PUM3: variants seen among roughly 807,000 people sequenced by gnomAD.
The protein encoded by PUM3 is pumilio homolog 3.
PUM3 carries 91 observed loss-of-function variants against 84.0 expected under a neutral mutation model. The ratio of observed to expected loss-of-function variants is 1.08; its 90% confidence interval spans 0.91 to 1.29. The LOEUF is 1.29. Ranked by LOEUF, PUM3 falls within the 50% of genes most tolerant of loss-of-function variation. The pLI is 0.00. For missense variants in PUM3, 1,067 were observed against 767.5 expected, an observed-to-expected ratio of 1.39 and a Z score of -4.61; for synonymous variants, 321 against 266.7, an observed-to-expected ratio of 1.20 and a Z score of -1.98.
rs1212737225 is a variant in PUM3, at chr9:2,804,449, C to T, written c.1829G>A (p.Cys610Tyr). Residue 610 changes from cysteine (C) to tyrosine (Y), a missense_variant, in exon 18 of 18, where the codon TGT (cysteine) becomes TAT (tyrosine). Coordinates refer to ENST00000397885, the MANE Select transcript of PUM3 (RefSeq NM_014878.5). ...GACTTTGTTTGCAACTTCCAGGTCACAACTCTGGAGGAGGCTGAAGAGAGG... is the reference window on the plus strand; with the variant it reads ...GACTTTGTTTGCAACTTCCAGGTCATAACTCTGGAGGAGGCTGAAGAGAGG... ...AIILSSLLQS[C>Y]DLEVANKVKA... 3 of 1,613,796 alleles carry T rather than the reference C, an allele frequency of 1.9e-6. No homozygotes were observed. Among genetic ancestry groups the T allele is most frequent in the Admixed American group, 3.3e-5 (2 of 59,960 alleles).
At chr9:2,813,257 T>C (rs961977978) in intron 13 of PUM3, among the ~76,000 whole-genome samples, 5 of 152,246 alleles carry the variant, frequency 3.3e-5, no homozygotes, top group African/African-American at 9.6e-5. Flanking sequence ...ATCTGCTGTT[T>C]TCAAAGATAG....
intron 13 of PUM3, among the ~76,000 whole-genome samples, chr9:2,818,392 A>T (rs553743744): frequency 6.6e-6 from 1 of 152,348 alleles, no homozygotes; most frequent in Non-Finnish European, 1.5e-5. Flanking sequence ...TTCAACAGCA[A>T]CTTTAAGTGG....
intron 10 of PUM3, 134 bp downstream of exon 10, chr9:2,826,939 G>A (rs1486052110): frequency 7.4e-6 from 5 of 675,282 alleles, no homozygotes; most frequent in Middle Eastern, 6.1e-4. Context: ...AAAGGGAGTT[G>A]AGTAAATTAT....
At chr9:2,832,632 T>C (rs1414730599) in intron 5 of PUM3, among the ~76,000 whole-genome samples, 3 of 152,312 alleles carry the variant, frequency 2.0e-5, no homozygotes, top group African/African-American at 7.2e-5. Context: ...GAAATATTTA[T>C]AAATTGTCGG....
chr9:2,836,644 G>T lies in PUM3; in HGVS notation c.304+536C>A, dbSNP rs574381849. Among the ~76,000 whole-genome samples the T allele has an allele frequency of 2.6e-5, 4 of 152,262 alleles. No individual in the cohort carries two copies. In the East Asian group the frequency reaches 7.7e-4, roughly 29 times the overall value. On this transcript the variant is annotated intron_variant, in intron 3 of 17. Coordinates refer to ENST00000397885, the MANE Select transcript of PUM3 (RefSeq NM_014878.5). ...ATCTGCGCCATCAGAGGGATTTATT[G>T]TATTAGACTGGCCTAAGCTCTGTGA... is the stretch of plus-strand genomic sequence containing the variant.
At position 2,810,378 on chromosome 9, in the gene PUM3, C is replaced by G; in HGVS notation, c.1689G>C (p.Glu563Asp). The G allele has an allele frequency of 1.9e-6, 3 of 1,612,070 alleles. No individual in the cohort carries two copies. Among genetic ancestry groups the G allele is most frequent in the Non-Finnish European group, 2.5e-6 (3 of 1,178,580 alleles). Residue 563 changes from glutamate to aspartate, a missense_variant, in exon 16 of 18, where the codon GAG becomes GAC. Glu to Asp is a conservative substitution (Grantham distance 45). Coordinates refer to ENST00000397885, the MANE Select transcript of PUM3 (RefSeq NM_014878.5). ...AGHLVLKWLI[E>D]QDKKMKENGR... is the part of the protein sequence containing the mutation. ...CATTTTCTTTCATCTTTTTATCTTG[C>G]TCTATTAACCACTTCAGAACTAGAT...
intron 1 of PUM3, among the ~76,000 whole-genome samples, chr9:2,839,989 C>G (rs1286221321): frequency 6.6e-6 from 1 of 152,158 alleles, no homozygotes; most frequent in Non-Finnish European, 1.5e-5. Flanking sequence ...CTAATATCCT[C>G]TTTCTGTACC....
chr9:2,808,323 C>G (rs1169322958), intron 16 of PUM3, among the ~76,000 whole-genome samples: 1 of 152,190 alleles, frequency 6.6e-6, no homozygotes, highest in African/African-American at 2.4e-5. Flanking sequence ...CACAAGGTGC[C>G]ATGAACATAA....
chr9:2,828,463 C>T (rs1448386602), intron 9 of PUM3: 5 of 463,244 alleles, frequency 1.1e-5, no homozygotes, highest in East Asian at 3.8e-5. Context: ...ATCACGAATG[C>T]ATGTTAGTTA....
chr9:2,827,801 T>A (rs1233872748), intron 9 of PUM3, among the ~76,000 whole-genome samples: 1 of 152,238 alleles, frequency 6.6e-6, no homozygotes, highest in Non-Finnish European at 1.5e-5. Context: ...ACCCATTTAA[T>A]CTTCACAAAA....
At chr9:2,828,639 C>T (rs759944730) in intron 9 of PUM3, 36 bp downstream of exon 9, 2 of 1,266,542 alleles carry the variant, frequency 1.6e-6, no homozygotes, top group Admixed American at 3.5e-5. Flanking sequence ...CTTTGAATGT[C>T]ATTTCTTAAG....
intron 1 of PUM3, among the ~76,000 whole-genome samples, chr9:2,840,585 T>C (rs189849972): frequency 5.7e-4 from 87 of 152,360 alleles, no homozygotes; most frequent in African/African-American, 2.0e-3. Flanking sequence ...ATCTTTTCCA[T>C]CTATTTACTT....
chr9:2,823,939 A>G (rs1815737842), intron 11 of PUM3, 105 bp from the exon 12 acceptor site: 3 of 566,868 alleles, frequency 5.3e-6, no homozygotes, highest in East Asian at 3.2e-5. Context: ...TTTGAGTGGC[A>G]TATGTTTTCA....
intron 16 of PUM3, among the ~76,000 whole-genome samples, chr9:2,809,071 T>C (rs1169735461): frequency 1.3e-5 from 2 of 152,094 alleles, no homozygotes; most frequent in East Asian, 1.9e-4. Context: ...AAGCGAAAAG[T>C]GGACACTCCA....
intron 1 of PUM3, among the ~76,000 whole-genome samples, chr9:2,840,026 T>G (rs1210329816): frequency 6.6e-6 from 1 of 152,156 alleles, no homozygotes; most frequent in African/African-American, 2.4e-5. Context: ...GGCCATCAAG[T>G]CTCCTTTGTA....
intron 13 of PUM3, among the ~76,000 whole-genome samples, chr9:2,814,214 A>AT (rs372676174): frequency 0.022 from 2,596 of 117,902 alleles, 27 homozygotes; most frequent in African/African-American, 0.07. Flanking sequence ...AACTCCAACT[A>AT]TTTTTTTTTT....
chr9:2,841,282 C>G (rs1055544911), intron 1 of PUM3, among the ~76,000 whole-genome samples: 1 of 152,150 alleles, frequency 6.6e-6, no homozygotes, highest in African/African-American at 2.4e-5. Flanking sequence ...ATTCAAAATA[C>G]TTTTCCAAAG....
chr9:2,819,288 T>A (rs966381227), intron 13 of PUM3, among the ~76,000 whole-genome samples: 3 of 152,202 alleles, frequency 2.0e-5, no homozygotes, highest in Admixed American at 6.5e-5. Flanking sequence ...TAGTTTAGAA[T>A]GCAATTTTTA....
At chr9:2,831,053 T>A in intron 6 of PUM3, 25 bp from the exon 7 acceptor site, 1 of 1,209,346 alleles carries the variant, frequency 8.3e-7, no homozygotes, top group South Asian at 1.3e-5. Flanking sequence ...TACATTACAG[T>A]GACTTCAGAT....
Sources: allele counts gnomAD v4.1 joint callset (sites outside exome capture counted in the v4.1 genomes callset), GRCh38; gene constraint gnomAD v4.1.1; transcripts MANE v1.5; gene names NCBI Gene and HGNC (gene_info 2026-07-23, HGNC 2026-07-21).